ACACB: variants seen among roughly 807,000 people sequenced by gnomAD.
ACACB encodes acetyl-CoA carboxylase 2.
In ACACB, 209 loss-of-function variants were observed where a neutral mutation model predicts 278.8. The ratio of observed to expected loss-of-function variants is 0.75; its 90% confidence interval spans 0.67 to 0.84. The LOEUF (loss-of-function observed/expected upper bound fraction) is 0.84. Ranked by LOEUF, ACACB falls within the 40% of genes least tolerant of loss-of-function variation. ACACB has a pLI of 0.00. For synonymous variants in ACACB, 1,174 were observed against 1,285.6 expected (o/e 0.91, Z 1.86); for missense variants, 2,850 against 3,269.0 (o/e 0.87, Z 3.13).
At chr12:109,194,970 AC>A (rs1476225712) in intron 16 of ACACB, among the ~76,000 whole-genome samples, 1 of 152,046 alleles carries the variant, frequency 6.6e-6, no homozygotes, top group East Asian at 1.9e-4. Flanking sequence ...CTGGTTTACT[AC>A]TGGAGTCCCT....
rs756985067 is a variant in ACACB at position 109,179,112 on chromosome 12, C to T, written c.1462C>T (p.Pro488Ser). Residue 488 changes from proline (P) to serine (S), a missense_variant, in exon 10 of 53, where the codon CCC (proline) becomes TCC (serine). Pro to Ser is a moderately conservative substitution (Grantham distance 74). Transcript: ENST00000338432. ...GGTACAGAGTGAGATCCCAGGCTCG[C>T]CCATCTTTCTCATGAAGCTGGCCCA... Reference protein sequence around the residue: ...RQVQSEIPGSPIFLMKLAQHA... With the variant: ...RQVQSEIPGSSIFLMKLAQHA... The T allele has an allele frequency of 6.2e-7, 1 of 1,613,456 alleles. No homozygotes were observed. Among genetic ancestry groups the T allele is most frequent in the Non-Finnish European group, 8.5e-7 (1 of 1,179,776 alleles).
intron 46 of ACACB, 135 bp downstream of exon 46, chr12:109,258,499 G>A: frequency 1.5e-6 from 1 of 653,418 alleles, no homozygotes; most frequent in Non-Finnish European, 2.6e-6. Flanking sequence ...CCCTGGCCCT[G>A]GGGGGCTCAG....
intron 7 of ACACB, 92 bp from the exon 8 acceptor site, chr12:109,175,839 C>CTTCTGG: frequency 9.4e-7 from 1 of 1,062,090 alleles, no homozygotes. Context: ...CCAGGTCTAG[C>CTTCTGG]ACTATGTCAG....
chr12:109,153,971 C>G (rs936173570), intron 2 of ACACB, among the ~76,000 whole-genome samples: 37 of 152,172 alleles, frequency 2.4e-4, no homozygotes, highest in African/African-American at 8.2e-4. Flanking sequence ...TTCGTTTATT[C>G]TAACTGGAAT....
intron 6 of ACACB, among the ~76,000 whole-genome samples, chr12:109,173,669 G>A (rs1265323718): frequency 1.3e-5 from 2 of 152,206 alleles, no homozygotes; most frequent in Admixed American, 6.5e-5. Flanking sequence ...GTGCTTATTC[G>A]TTTATGTATT....
Position 109,199,513 on chromosome 12 carries a change from G to T in ACACB, c.2739G>T (p.Gly913=), listed in dbSNP as rs768414114. 1 of 1,531,210 alleles carries T rather than the reference G, an allele frequency of 6.5e-7. No homozygotes were observed. The highest frequency in any genetic ancestry group is 8.8e-7 in the Non-Finnish European group (1 of 1,136,822). The allele number at this position is 1,531,210 out of a possible 1,614,324, so 94.9% of individuals were successfully genotyped here. A position where few individuals can be genotyped will look rare whatever the true frequency, so the allele number is the denominator to read the frequency against. The change falls in exon 18 of 53, where the codon GGG becomes GGT. Residue 913 remains glycine (G), a synonymous_variant. Transcript: ENST00000338432. ...TGACACAGTACACAGTGGAGGATGG[G>T]GGCCACGTTGAGGCTGGGAGCAGCT... The part of the protein sequence containing the change: ...GKLTQYTVED[G]GHVEAGSSYA...
At chr12:109,128,274 T>C (rs2042731094) in intron 1 of ACACB, among the ~76,000 whole-genome samples, 1 of 151,940 alleles carries the variant, frequency 6.6e-6, no homozygotes, top group Admixed American at 6.6e-5. Flanking sequence ...TCAGCCTCCC[T>C]AGTAGCTGGG....
chr12:109,144,551 A>C (rs1357317519), intron 2 of ACACB, among the ~76,000 whole-genome samples: 1 of 152,100 alleles, frequency 6.6e-6, no homozygotes, highest in Non-Finnish European at 1.5e-5. Context: ...AAATCACAGC[A>C]AATTTGATTT....
chr12:109,210,383 A>ATATC lies in ACACB; in HGVS notation c.3249+1031_3249+1032insATCT, dbSNP rs542820718. Among the ~76,000 whole-genome samples the ATATC allele has an allele frequency of 6.6e-4, 81 of 122,552 alleles. 3 individuals are homozygous for ATATC. Among genetic ancestry groups the ATATC allele is most frequent in the African/African-American group, 2.7e-3 (66 of 24,800 alleles). The allele number at this position is 122,552 out of a possible 152,430, so 80.4% of individuals were successfully genotyped here. A position where few individuals can be genotyped will look rare whatever the true frequency, so the allele number is the denominator to read the frequency against. On this transcript the variant is annotated intron_variant, in intron 21 of 52. Coordinates refer to ENST00000338432, the MANE Select transcript of ACACB (RefSeq NM_001093.4). ...TATATATGTATATACACGCACACAC[A>ATATC]TGTGTATATATGTATATACACGCAC...
At chr12:109,247,184 AG>A (rs2046971070) in intron 39 of ACACB, among the ~76,000 whole-genome samples, 1 of 152,006 alleles carries the variant, frequency 6.6e-6, no homozygotes. Flanking sequence ...GTGAAATGAC[AG>A]GGGACAGTCA....
chr12:109,235,590 G>A lies in ACACB; in HGVS notation c.4405-16G>A. ...TGCTTGATTTAATTGTCTTGTGTGT[G>A]GATTTCTTTTTGCAGAAAGAATTTC... On this transcript the variant is annotated splice_polypyrimidine_tract_variant and intron_variant, in intron 32 of 52. Transcript: ENST00000338432. 6.2e-7 allele frequency: 1 copy of A among 1,610,490 alleles called. No individual in the cohort carries two copies. The highest frequency in any genetic ancestry group is 8.5e-7 in the Non-Finnish European group (1 of 1,176,954).
At position 109,227,383 on chromosome 12, in the gene ACACB, A is replaced by C; in HGVS notation, c.3895A>C (p.Arg1299=). The C allele has an allele frequency of 6.2e-7, 1 of 1,612,090 alleles. No homozygotes were observed. The highest frequency in any genetic ancestry group is 8.5e-7 in the Non-Finnish European group (1 of 1,179,146). Residue 1299 remains arginine (R), a synonymous_variant, in exon 28 of 53, where the codon AGG becomes CGG. Transcript: ENST00000338432. Reference sequence around the variant, plus strand: ...TCTGCCTTGTCAGGTTTACGTGCGGAGGGGCTACATCGCCTATGAGTTAAA... The same window carrying C: ...TCTGCCTTGTCAGGTTTACGTGCGGCGGGGCTACATCGCCTATGAGTTAAA... ...CMASLEVYVR[R]GYIAYELNSL... is the part of the protein sequence containing the mutation.
chr12:109,193,968 C>T lies in ACACB; in HGVS notation c.2481+239C>T, dbSNP rs76301360. Among the ~76,000 whole-genome samples, 763 of 152,284 alleles carry T rather than the reference C, an allele frequency of 5.0e-3. 8 individuals carry two copies. The highest frequency in any genetic ancestry group is 0.018 in the African/African-American group (739 of 41,552). On this transcript the variant is annotated intron_variant, in intron 16 of 52. Coordinates refer to ENST00000338432, the MANE Select transcript of ACACB (RefSeq NM_001093.4). ...AGCGTGGATAAGTTTCCTGTAGCTG[C>T]GGTAACAAGGTACCACAAACTGGTT... is the stretch of plus-strand genomic sequence containing the variant.
intron 18 of ACACB, among the ~76,000 whole-genome samples, chr12:109,199,914 G>GAGGCAGGAGGATGGCGTGA (rs1192108571): frequency 2.0e-5 from 3 of 151,784 alleles, no homozygotes; most frequent in Non-Finnish European, 2.9e-5. Flanking sequence ...GCAGGAGGCT[G>GAGGCAGGAGGATGGCGTGA]AGGCAGGAGG....
rs1022156852 is a variant in ACACB, at chr12:109,176,251, C to T, written c.1425C>T (p.Ile475=). The T allele has an allele frequency of 6.2e-7, 1 of 1,614,026 alleles. No homozygotes were observed. Among genetic ancestry groups the T allele is most frequent in the South Asian group, 1.1e-5 (1 of 91,082 alleles). ...CTGAGAGTGCGGAGGACTTCCCGAT[C>T]CTTTTCAGACAAGTGAGCAGTTCTT... The part of the protein sequence containing the change: ...RKAESAEDFP[I]LFRQVQSEIP... The change falls in exon 9 of 53, where the codon ATC becomes ATT. Residue 475 remains isoleucine (I), a synonymous_variant. Coordinates refer to ENST00000338432, the MANE Select transcript of ACACB (RefSeq NM_001093.4).
chr12:109,204,910 A>C (rs1326106080), intron 19 of ACACB, among the ~76,000 whole-genome samples: 3 of 151,732 alleles, frequency 2.0e-5, no homozygotes, highest in African/African-American at 7.3e-5. Context: ...GCAGTGGCAC[A>C]ATCTCAGCTC....
Position 109,176,141 on chromosome 12 carries a change from C to G in ACACB, c.1327-12C>G. ...TAACCTCTAAAGAGGTCTGTTTGTC[C>G]TTTGCACCCAGGCAGCAGAAAGAAT... On this transcript the variant is annotated splice_polypyrimidine_tract_variant and intron_variant, in intron 8 of 52. Coordinates refer to ENST00000338432, the MANE Select transcript of ACACB (RefSeq NM_001093.4). 6.2e-7 allele frequency: 1 copy of G among 1,614,018 alleles called. No homozygotes were observed. The highest frequency in any genetic ancestry group is 8.5e-7 in the Non-Finnish European group (1 of 1,179,884).
At chr12:109,140,232 TTCCTTCCTTCC>T (rs2043071973) in intron 2 of ACACB, among the ~76,000 whole-genome samples, 174 bp downstream of exon 2, 1 of 129,826 alleles carries the variant, frequency 7.7e-6, no homozygotes, top group African/African-American at 2.7e-5. Context: ...CCTTCCTTCC[TTCCTTCCTTCC>T]TTCCTTCCTT....
At position 109,265,536 on chromosome 12, in the gene ACACB, A is replaced by G. The variant is rs552315232; in HGVS notation, c.7250+11A>G. 9.9e-6 allele frequency: 16 copies of G among 1,612,104 alleles called. No homozygotes were observed. In the South Asian group the frequency reaches 1.8e-4, roughly 18 times the overall value. On this transcript the variant is annotated intron_variant, in intron 52 of 52. Coordinates refer to ENST00000338432, the MANE Select transcript of ACACB (RefSeq NM_001093.4). ...CAAGACCATCCGAGGGTGAGTGGCC[A>G]CCGCACCTGCTTCCCAGCCTCCTGG... is the stretch of plus-strand genomic sequence containing the variant.
Sources: gnomAD v4.1 joint callset for allele counts (sites outside exome capture counted in the v4.1 genomes callset) on GRCh38, gnomAD v4.1.1 for gene constraint, MANE v1.5 for transcripts, NCBI Gene and HGNC (gene_info 2026-07-23, HGNC 2026-07-21) for gene names.